Variants in GORAB observed in about 807,000 individuals in gnomAD.
The protein encoded by GORAB is golgin, RAB6 interacting.
Under a neutral mutation model 29.9 loss-of-function variants are expected in GORAB, and 17 were observed. The ratio of observed to expected loss-of-function variants is 0.57; its 90% CI spans 0.39 to 0.85. The LOEUF is 0.85. Among genes scored for constraint, GORAB ranks in the 40% least tolerant of loss-of-function variants. The pLI is 0.00. For missense variants in GORAB, 442 were observed against 437.8 expected (o/e 1.01, Z -0.09); for synonymous variants, 183 against 157.2 (o/e 1.16, Z -1.23).
intron 3 of GORAB, among the ~76,000 whole-genome samples, chr1:170,543,487 G>A (rs1409355498): frequency 6.6e-6 from 1 of 152,144 alleles, no homozygotes; most frequent in Non-Finnish European, 1.5e-5. Context: ...TCTGCCAGAG[G>A]AGTGAGTGTA....
intron 1 of GORAB, among the ~76,000 whole-genome samples, chr1:170,533,967 C>T (rs1225167326): frequency 1.3e-5 from 2 of 152,156 alleles, no homozygotes; most frequent in African/African-American, 2.4e-5. Flanking sequence ...AAAGCCATTT[C>T]TAGCTGTTCT....
chr1:170,552,304 G>T lies in GORAB; in HGVS notation c.952G>T (p.Val318Leu). Residue 318 changes from valine (V) to leucine (L), a missense_variant, in exon 5 of 5, where the codon GTG (valine) becomes TTG (leucine). Coordinates refer to ENST00000367763, the MANE Select transcript of GORAB (RefSeq NM_152281.3). ...ERPFQPAEESVTLEFAKENRK... is the reference protein window; with the variant it reads ...ERPFQPAEESLTLEFAKENRK... ...GCCATTTCAGCCTGCGGAGGAGAGTGTGACATTAGAATTTGCTAAAGAGAA... is the reference window on the plus strand; with the variant it reads ...GCCATTTCAGCCTGCGGAGGAGAGTTTGACATTAGAATTTGCTAAAGAGAA... 2 of 1,614,116 alleles carry T rather than the reference G, an allele frequency of 1.2e-6. No individual in the cohort carries two copies. Among genetic ancestry groups the T allele is most frequent in the Non-Finnish European group, 1.7e-6 (2 of 1,179,948 alleles).
intron 1 of GORAB, among the ~76,000 whole-genome samples, chr1:170,533,957 A>C (rs1266138649): frequency 6.6e-6 from 1 of 152,228 alleles, no homozygotes; most frequent in Non-Finnish European, 1.5e-5. Context: ...CTTTAATTTT[A>C]AAGCCATTTC....
chr1:170,549,362 G>A (rs1049608666), intron 4 of GORAB, among the ~76,000 whole-genome samples: 5 of 152,098 alleles, frequency 3.3e-5, no homozygotes, highest in Admixed American at 1.3e-4. Context: ...ATATATATTC[G>A]TATTTCTGGC....
chr1:170,533,777 T>G (rs1273710114), intron 1 of GORAB: 3 of 277,470 alleles, frequency 1.1e-5, no homozygotes, highest in Non-Finnish European at 2.3e-5. Context: ...CAAGGCCCAC[T>G]GTAGTGTGGA....
chr1:170,551,392 G>T lies in GORAB; in HGVS notation c.663-623G>T, dbSNP rs550513070. Among the ~76,000 whole-genome samples the T allele has an allele frequency of 3.3e-5, 5 of 152,228 alleles. No individual in the cohort carries two copies. In the South Asian group the frequency reaches 1.0e-3, roughly 32 times the overall value. On this transcript the variant is annotated intron_variant, in intron 4 of 4. Transcript: ENST00000367763. Reference sequence around the variant, plus strand: ...TCTTGCCCTCACCCAGTATCATTTTGCTGGGTGTGCTCTGTTCCATTTATA... The same window carrying T: ...TCTTGCCCTCACCCAGTATCATTTTTCTGGGTGTGCTCTGTTCCATTTATA...
At chr1:170,542,621 TTGTAACC>T (rs760409883) in intron 3 of GORAB, 29 bp downstream of exon 3, 54 of 1,380,768 alleles carry the variant, frequency 3.9e-5, no homozygotes, top group Non-Finnish European at 5.2e-5. Flanking sequence ...GAGAGGCTGT[TTGTAACC>T]TGTAACCAGT....
At chr1:170,536,717 C>T (rs1649083801) in intron 1 of GORAB, among the ~76,000 whole-genome samples, 1 of 152,120 alleles carries the variant, frequency 6.6e-6, no homozygotes, top group African/African-American at 2.4e-5. Flanking sequence ...CTGGTTTATT[C>T]ACACAATGAA....
chr1:170,544,527 T>G, intron 3 of GORAB, 178 bp from the exon 4 acceptor site: 1 of 517,280 alleles, frequency 1.9e-6, no homozygotes, highest in Admixed American at 3.4e-5. Context: ...AATATAAAAT[T>G]TCAAAAACTC....
In GORAB at chr1:170,553,795, AAC is replaced by A. The variant is rs1442872109; in HGVS notation, c.*1338_*1339del. 2.2e-6 allele frequency: 1 copy of A among 453,456 alleles called. No homozygotes were observed. The highest frequency in any genetic ancestry group is 2.4e-5 in the Admixed American group (1 of 42,498). The allele number at this position is 453,456 out of a possible 1,614,324, so 28.1% of individuals were successfully genotyped here. ...ATAAAAGCCAACAGTTTCATTGTCT[AAC>A]ACACTTCTTTTTCTAAGGAATAAAC... On this transcript the variant is annotated 3_prime_UTR_variant, in exon 5 of 5. Transcript: ENST00000367763.
intron 2 of GORAB, 162 bp downstream of exon 2, chr1:170,539,729 C>A: frequency 1.4e-6 from 1 of 730,892 alleles, no homozygotes; most frequent in Non-Finnish European, 2.2e-6. Context: ...ATAGCTACTG[C>A]CTAAATATAA....
intron 4 of GORAB, 65 bp downstream of exon 4, chr1:170,544,910 C>G (rs1649664471): frequency 1.3e-6 from 2 of 1,573,232 alleles, no homozygotes; most frequent in African/African-American, 2.7e-5. Flanking sequence ...GCCAGCTGTT[C>G]CAGGGGCTTT....
chr1:170,550,293 G>C (rs1007672998), intron 4 of GORAB, among the ~76,000 whole-genome samples: 30 of 152,354 alleles, frequency 2.0e-4, no homozygotes, highest in African/African-American at 7.2e-4. Context: ...GCAAACCTAT[G>C]TTCTCCTCTG....
At chr1:170,547,763 G>A (rs1382187936) in intron 4 of GORAB, among the ~76,000 whole-genome samples, 1 of 152,178 alleles carries the variant, frequency 6.6e-6, no homozygotes, top group Admixed American at 6.5e-5. Flanking sequence ...ATAAAAAGCT[G>A]AGAGAGTATA....
chr1:170,550,875 A>G (rs941051173), intron 4 of GORAB, among the ~76,000 whole-genome samples: 32 of 152,182 alleles, frequency 2.1e-4, no homozygotes, highest in African/African-American at 7.5e-4. Flanking sequence ...AAAGAAAAGC[A>G]ACAAATTTTA....
intron 3 of GORAB, among the ~76,000 whole-genome samples, chr1:170,544,018 C>A (rs1267160840): frequency 6.6e-6 from 1 of 152,154 alleles, no homozygotes; most frequent in Non-Finnish European, 1.5e-5. Context: ...TGAGTGAAAT[C>A]ATGATTAAAG....
intron 2 of GORAB, 122 bp downstream of exon 2, chr1:170,539,689 A>G: frequency 2.9e-6 from 3 of 1,046,390 alleles, no homozygotes; most frequent in Non-Finnish European, 4.1e-6. Flanking sequence ...TCATTCAATC[A>G]TAGGAATGTG....
rs906663477 is a variant in GORAB at position 170,551,283 on chromosome 1, A to G, written c.663-732A>G. ...GCAGGACAGCTTCTCACAACAAATAATTATATGGCCCAAATTGTCAGTAGC... is the reference window on the plus strand; with the variant it reads ...GCAGGACAGCTTCTCACAACAAATAGTTATATGGCCCAAATTGTCAGTAGC... On this transcript the variant is annotated intron_variant, in intron 4 of 4. Coordinates refer to ENST00000367763, the MANE Select transcript of GORAB (RefSeq NM_152281.3). Among the ~76,000 whole-genome samples the G allele has an allele frequency of 5.9e-5, 9 of 152,196 alleles. No homozygotes were observed. In the South Asian group the frequency reaches 1.4e-3, roughly 24 times the overall value.
rs1650214244 is a variant in GORAB, at chr1:170,552,849, ACTGGAAGT to A, written c.*389_*396del. 6.6e-6 allele frequency: 3 copies of A among 453,576 alleles called. No homozygotes were observed. Among genetic ancestry groups the A allele is most frequent in the African/African-American group, 6.0e-5 (3 of 49,934 alleles). 28.1% of individuals were successfully genotyped at this position (453,576 alleles called of 1,614,324 possible). A position where few individuals can be genotyped will look rare whatever the true frequency, so the allele number is the denominator to read the frequency against. On this transcript the variant is annotated 3_prime_UTR_variant, in exon 5 of 5. Transcript: ENST00000367763. ...CACTTCTCCTGGGAGACGTATTAAG[ACTGGAAGT>A]CCTATTTTATTTAATCAGTATCAGT...
Sources: allele counts gnomAD v4.1 joint callset (sites outside exome capture counted in the v4.1 genomes callset), GRCh38; gene constraint gnomAD v4.1.1; transcripts MANE v1.5; gene names NCBI Gene and HGNC (gene_info 2026-07-23, HGNC 2026-07-21).